The following DPP10 variants were observed in gnomAD, a reference collection of about 807,000 sequenced individuals.
The protein encoded by DPP10 is inactive dipeptidyl peptidase 10.
A neutral mutation model predicts 120.9 loss-of-function variants in DPP10; 33 were observed. The ratio of observed to expected loss-of-function variants is 0.27; its 90% confidence interval spans 0.21 to 0.37. The LOEUF (loss-of-function observed/expected upper bound fraction) is 0.37. Ranked by LOEUF, DPP10 falls within the 10% of genes least tolerant of loss-of-function variation. DPP10 has a pLI of 1.00. For synonymous variants in DPP10, 337 were observed against 326.1 expected (o/e 1.03, Z -0.36); for missense variants, 816 against 942.8 (o/e 0.87, Z 1.76).
intron 5 of DPP10, among the ~76,000 whole-genome samples, chr2:115,678,480 A>G (rs1176394656): frequency 2.0e-5 from 3 of 152,208 alleles, no homozygotes; most frequent in African/African-American, 4.8e-5. Flanking sequence ...TTCATAAGAT[A>G]AGAATTGAGG....
At chr2:115,292,576 G>C (rs1216337827) in intron 1 of DPP10, among the ~76,000 whole-genome samples, 5 of 152,088 alleles carry the variant, frequency 3.3e-5, no homozygotes. Flanking sequence ...TCTGTGAACA[G>C]ACTTGGAATT....
intron 1 of DPP10, among the ~76,000 whole-genome samples, chr2:114,602,075 A>T (rs1300731111): frequency 6.6e-6 from 1 of 151,978 alleles, no homozygotes; most frequent in Admixed American, 6.6e-5. Flanking sequence ...TTTATTAATA[A>T]GGGGCTTAAA....
intron 1 of DPP10, among the ~76,000 whole-genome samples, chr2:114,696,102 T>C (rs1232637811): frequency 6.6e-6 from 1 of 152,024 alleles, no homozygotes; most frequent in Non-Finnish European, 1.5e-5. Context: ...GTTATTGAGG[T>C]TCTTCAGTGA....
chr2:115,763,872 A>G (rs1575711067), intron 12 of DPP10, among the ~76,000 whole-genome samples: 1 of 152,214 alleles, frequency 6.6e-6, no homozygotes, highest in East Asian at 1.9e-4. Context: ...TCTGAGTCAT[A>G]GAATCATTTG....
At chr2:115,642,276 T>C (rs1227515951) in intron 5 of DPP10, among the ~76,000 whole-genome samples, 1 of 152,060 alleles carries the variant, frequency 6.6e-6, no homozygotes, top group Non-Finnish European at 1.5e-5. Context: ...CAAACATTCC[T>C]CTGGATGTCT....
intron 1 of DPP10, among the ~76,000 whole-genome samples, chr2:114,881,243 A>G (rs1413059283): frequency 6.6e-6 from 1 of 152,114 alleles, no homozygotes; most frequent in African/African-American, 2.4e-5. Context: ...AGGTCTGGCC[A>G]TTGGCTGGGG....
chr2:115,681,621 G>A (rs899929996), intron 5 of DPP10, among the ~76,000 whole-genome samples: 1 of 151,506 alleles, frequency 6.6e-6, no homozygotes, highest in Non-Finnish European at 1.5e-5. Flanking sequence ...TAAAACATTT[G>A]GATATATATT....
intron 1 of DPP10, among the ~76,000 whole-genome samples, chr2:114,521,251 G>GACACACAC (rs60539029): frequency 0.03 from 4,300 of 144,546 alleles, 74 homozygotes; most frequent in East Asian, 0.067. Flanking sequence ...CACATGCACA[G>GACACACAC]ACACACACAC....
chr2:115,567,533 C>CTT (rs2081074706), intron 5 of DPP10, among the ~76,000 whole-genome samples: 11 of 64,586 alleles, frequency 1.7e-4, no homozygotes, highest in Non-Finnish European at 2.2e-4. Flanking sequence ...AAGATTTTCT[C>CTT]ATTTTTTTTT....
intron 3 of DPP10, among the ~76,000 whole-genome samples, chr2:115,401,574 C>T (rs1334889292): frequency 6.6e-6 from 1 of 152,036 alleles, no homozygotes; most frequent in Non-Finnish European, 1.5e-5. Flanking sequence ...CATTGTGACA[C>T]CCTGCCTGTA....
At chr2:114,595,017 T>C (rs1691792754) in intron 1 of DPP10, among the ~76,000 whole-genome samples, 1 of 152,154 alleles carries the variant, frequency 6.6e-6, no homozygotes, top group Non-Finnish European at 1.5e-5. Flanking sequence ...TATGCTTTCT[T>C]GTAAAAAAAC....
Position 115,304,652 on chromosome 2 carries a change from C to T in DPP10, c.61-4587C>T, listed in dbSNP as rs115988374. 4.4e-3 allele frequency among the ~76,000 whole-genome samples: 672 copies of T among 151,992 alleles called. 2 individuals are homozygous for T. The highest frequency in any genetic ancestry group is 0.015 in the African/African-American group (642 of 41,478). On this transcript the variant is annotated intron_variant, in intron 1 of 25. Transcript: ENST00000410059. ...TACATATGGCAGATAAATACATTGACGTTTTCCAAAGGAAAGTACAAATGG... is the reference window on the plus strand; with the variant it reads ...TACATATGGCAGATAAATACATTGATGTTTTCCAAAGGAAAGTACAAATGG...
Position 115,663,994 on chromosome 2 carries a change from CAAT to C in DPP10, c.442-25670_442-25668del, listed in dbSNP as rs70941084. On this transcript the variant is annotated intron_variant, in intron 5 of 25. Transcript: ENST00000410059. Reference sequence around the variant, plus strand: ...TGTGTGACAGAGCGAGACTCCATCTCAATAATAATAATAATAATAATAATATTA... The same window carrying C: ...TGTGTGACAGAGCGAGACTCCATCTCAATAATAATAATAATAATAATATTA... Among the ~76,000 whole-genome samples, 353 of 148,894 alleles carry C rather than the reference CAAT, an allele frequency of 2.4e-3. 1 individual carries two copies. Among genetic ancestry groups the C allele is most frequent in the African/African-American group, 8.2e-3 (331 of 40,322 alleles).
chr2:115,332,718 C>T (rs1334214825), intron 2 of DPP10, among the ~76,000 whole-genome samples: 1 of 152,142 alleles, frequency 6.6e-6, no homozygotes, highest in African/African-American at 2.4e-5. Context: ...GTTCAGTTTC[C>T]ATGTAGTTGA....
chr2:114,936,080 G>A (rs1417165435), intron 1 of DPP10, among the ~76,000 whole-genome samples: 1 of 151,840 alleles, frequency 6.6e-6, no homozygotes, highest in Non-Finnish European at 1.5e-5. Flanking sequence ...AAATTTTGGT[G>A]CACCCATCAC....
At chr2:115,376,542 TA>T (rs2065810577) in intron 3 of DPP10, among the ~76,000 whole-genome samples, 2 of 151,126 alleles carry the variant, frequency 1.3e-5, no homozygotes, top group African/African-American at 4.9e-5. Flanking sequence ...TTTTTTTTTT[TA>T]AATTTTATTT....
intron 1 of DPP10, among the ~76,000 whole-genome samples, chr2:115,035,193 AT>A (rs1227148516): frequency 6.6e-6 from 1 of 152,154 alleles, no homozygotes; most frequent in Non-Finnish European, 1.5e-5. Context: ...TCCTACTTCA[AT>A]CTTAAATCCT....
At chr2:115,204,053 A>G (rs189023801) in intron 1 of DPP10, among the ~76,000 whole-genome samples, 318 of 152,290 alleles carry the variant, frequency 2.1e-3, no homozygotes, top group African/African-American at 6.3e-3. Context: ...CTCACGTTCT[A>G]TGAATTTTCT....
chr2:114,699,945 A>C (rs1023180648), intron 1 of DPP10, among the ~76,000 whole-genome samples: 2 of 152,100 alleles, frequency 1.3e-5, no homozygotes. Flanking sequence ...GTTTGTTGAA[A>C]GACATAGGAA....
Sources: gnomAD v4.1 joint callset for allele counts (sites outside exome capture counted in the v4.1 genomes callset) on GRCh38, gnomAD v4.1.1 for gene constraint, MANE v1.5 for transcripts, NCBI Gene and HGNC (gene_info 2026-07-23, HGNC 2026-07-21) for gene names.